The following ZNF782 variants were observed in gnomAD, a reference collection of about 807,000 sequenced individuals.
ZNF782 encodes zinc finger protein 782.
Under a neutral mutation model 13.0 loss-of-function variants are expected in ZNF782, and 12 were observed. The ratio of observed to expected loss-of-function variants is 0.92; its 90% CI spans 0.59 to 1.50. The LOEUF (loss-of-function observed/expected upper bound fraction) is 1.50. Among genes scored for constraint, ZNF782 ranks in the 40% most tolerant of loss-of-function variants. The pLI, the probability that ZNF782 is intolerant of heterozygous loss-of-function variation, is 0.00. For synonymous variants in ZNF782, 284 were observed against 283.0 expected, an observed-to-expected ratio of 1.00 and a Z score of -0.04; for missense variants, 770 against 822.9, an observed-to-expected ratio of 0.94 and a Z score of 0.79.
chr9:96,915,166 C>T, the ZNF782 span, among the ~76,000 whole-genome samples: 2 of 151,954 alleles, frequency 1.3e-5, no homozygotes, highest in East Asian at 3.8e-4. Flanking sequence ...TAATAAATTA[C>T]AACTCCATAG....
At chr9:96,917,402 G>A in the ZNF782 span, among the ~76,000 whole-genome samples, 4 of 151,818 alleles carry the variant, frequency 2.6e-5, no homozygotes, top group East Asian at 1.9e-4. Context: ...AACAATAGGC[G>A]ACTGATTCTA....
At chr9:96,880,393 TCAAGTG>T (rs1179241841), upstream of ZNF782, among the ~76,000 whole-genome samples, 31 of 152,338 alleles carry the variant, frequency 2.0e-4, no homozygotes, top group Non-Finnish European at 4.1e-4. Context: ...ACTTTAGCCA[TCAAGTG>T]TGATGCTAGC....
chr9:96,883,990 GGCT>G, the ZNF782 span, among the ~76,000 whole-genome samples: 2 of 152,152 alleles, frequency 1.3e-5, no homozygotes, highest in Non-Finnish European at 2.9e-5. Context: ...GGAATGGATG[GGCT>G]ATGAATAGAA....
chr9:96,924,796 C>G, the ZNF782 span, among the ~76,000 whole-genome samples: 1 of 152,176 alleles, frequency 6.6e-6, no homozygotes, highest in African/African-American at 2.4e-5. Flanking sequence ...GCAGCACGGC[C>G]GAGACAAACT....
the ZNF782 span, among the ~76,000 whole-genome samples, chr9:96,896,540 A>G: frequency 6.6e-6 from 1 of 152,192 alleles, no homozygotes. Flanking sequence ...TGGTCGAGAT[A>G]TCCCTTCTAA....
chr9:96,817,588 T>C lies in ZNF782; in HGVS notation c.*335A>G, dbSNP rs1284002502. 2.0e-5 allele frequency: 4 copies of C among 204,396 alleles called. No homozygotes were observed. The highest frequency in any genetic ancestry group is 9.2e-5 in the African/African-American group (4 of 43,496). 12.7% of individuals were successfully genotyped at this position (204,396 alleles called of 1,614,324 possible). ...AGTTTTGATTGTTGGCACAAAGTTT[T>C]CACATTTTTATTACTTTCTCAGAGC... On this transcript the variant is annotated 3_prime_UTR_variant, in exon 6 of 6. Transcript: ENST00000481138.
chr9:96,903,858 G>A, the ZNF782 span, among the ~76,000 whole-genome samples: 18 of 151,662 alleles, frequency 1.2e-4, no homozygotes, highest in Middle Eastern at 3.2e-3. Context: ...CTCCGCACCC[G>A]GCCATAACTT....
At chr9:96,880,803 G>A in the ZNF782 span, among the ~76,000 whole-genome samples, 2 of 152,086 alleles carry the variant, frequency 1.3e-5, no homozygotes, top group Admixed American at 6.6e-5. Context: ...TGTAAAATAA[G>A]CTGGGAAGTG....
At chr9:96,838,966 G>A (rs1032421969) in intron 4 of ZNF782, among the ~76,000 whole-genome samples, 3 of 151,922 alleles carry the variant, frequency 2.0e-5, no homozygotes, top group South Asian at 2.1e-4. Flanking sequence ...CACCTACCTC[G>A]GCCTCCCAAA....
the ZNF782 span, chr9:96,929,132 G>C: frequency 6.3e-7 from 1 of 1,575,864 alleles, no homozygotes; most frequent in Non-Finnish European, 8.7e-7. Context: ...ACAGCTTATA[G>C]GGCTGATGTT....
At chr9:96,889,823 C>T in the ZNF782 span, 6 of 152,136 alleles carry the variant, frequency 3.9e-5, no homozygotes, top group Non-Finnish European at 5.9e-5. Flanking sequence ...TTAACTGATA[C>T]GTATATTTAA....
chr9:96,889,804 AAATAAAATTTAACT>A, the ZNF782 span: 1 of 152,224 alleles, frequency 6.6e-6, no homozygotes, highest in East Asian at 1.9e-4. Context: ...ATATATGTTT[AAATAAAATTTAACT>A]GATACGTATA....
chr9:96,866,467 G>A (rs762369343), intron 1 of ZNF782, among the ~76,000 whole-genome samples: 7 of 152,228 alleles, frequency 4.6e-5, no homozygotes, highest in Non-Finnish European at 1.0e-4. Context: ...TTCAGAAGAT[G>A]TATGGAAAGG....
chr9:96,888,956 T>C, the ZNF782 span: 1 of 152,200 alleles, frequency 6.6e-6, no homozygotes, highest in African/African-American at 2.4e-5. Flanking sequence ...AATCAGGTGA[T>C]AACAGAAATC....
chr9:96,854,932 A>C (rs1247345782), upstream of ZNF782, among the ~76,000 whole-genome samples: 2 of 152,088 alleles, frequency 1.3e-5, no homozygotes, highest in Admixed American at 1.3e-4. Context: ...AAAAAAAGGG[A>C]TCACTACTGA....
intron 4 of ZNF782, among the ~76,000 whole-genome samples, chr9:96,828,196 C>A (rs1356764621): frequency 2.0e-5 from 3 of 152,194 alleles, no homozygotes; most frequent in African/African-American, 7.2e-5. Flanking sequence ...AAGTTTATAT[C>A]ATCACCAACC....
At chr9:96,910,705 C>G in the ZNF782 span, among the ~76,000 whole-genome samples, 1 of 149,880 alleles carries the variant, frequency 6.7e-6, no homozygotes, top group Non-Finnish European at 1.5e-5. Context: ...GGTGCGATCT[C>G]GGCTCACTGC....
intron 5 of ZNF782, among the ~76,000 whole-genome samples, chr9:96,820,233 A>G (rs1850364932): frequency 6.6e-6 from 1 of 152,222 alleles, no homozygotes; most frequent in Non-Finnish European, 1.5e-5. Context: ...GCTAGTCTAG[A>G]TTCTTATACA....
intron 4 of ZNF782, among the ~76,000 whole-genome samples, chr9:96,831,754 T>G (rs372060513): frequency 6.6e-6 from 1 of 151,968 alleles, no homozygotes; most frequent in Admixed American, 6.6e-5. Context: ...CAGACTGACA[T>G]GTAACATCAC....
Sources: allele counts gnomAD v4.1 joint callset (sites outside exome capture counted in the v4.1 genomes callset), GRCh38; gene constraint gnomAD v4.1.1; transcripts MANE v1.5; gene names NCBI Gene and HGNC (gene_info 2026-07-23, HGNC 2026-07-21).